The following NLRP8 variants were observed in gnomAD, a reference collection of about 807,000 sequenced individuals.
NLRP8 encodes NACHT, LRR and PYD domains-containing protein 8.
A neutral mutation model predicts 88.7 loss-of-function variants in NLRP8; 86 were observed. The observed-to-expected ratio is 0.97, with a 90% CI of 0.81 to 1.16. NLRP8 has a LOEUF of 1.16. Among genes scored for constraint, NLRP8 ranks in the 50% most tolerant of loss-of-function variants. The probability of loss-of-function intolerance (pLI) is 0.00; values close to 1 mark genes in which losing one functional copy is unlikely to be tolerated. For missense variants in NLRP8, 1,342 were observed against 1,286.5 expected, an observed-to-expected ratio of 1.04 and a Z score of -0.66; for synonymous variants, 504 against 494.6, an observed-to-expected ratio of 1.02 and a Z score of -0.25.
chr19:55,965,732 C>T (rs963112465), intron 4 of NLRP8, among the ~76,000 whole-genome samples: 9 of 151,926 alleles, frequency 5.9e-5, no homozygotes, highest in African/African-American at 1.9e-4. Flanking sequence ...GGTATACATG[C>T]GCTGTGGTGG....
intron 8 of NLRP8, among the ~76,000 whole-genome samples, chr19:55,977,548 T>G (rs1980405303): frequency 6.8e-6 from 1 of 146,050 alleles, no homozygotes; most frequent in South Asian, 2.1e-4. Flanking sequence ...TATATATTAA[T>G]TATATTAATA....
chr19:55,987,996 A>G lies in NLRP8; in HGVS notation c.*83A>G, dbSNP rs1980934418. 9.6e-7 allele frequency: 1 copy of G among 1,040,562 alleles called. No homozygotes were observed. Among genetic ancestry groups the G allele is most frequent in the East Asian group, 2.4e-5 (1 of 41,514 alleles). 64.5% of individuals were successfully genotyped at this position (1,040,562 alleles called of 1,614,324 possible). A position where few individuals can be genotyped will look rare whatever the true frequency, so the allele number is the denominator to read the frequency against. On this transcript the variant is annotated 3_prime_UTR_variant, in exon 10 of 10. Coordinates refer to ENST00000291971, the MANE Select transcript of NLRP8 (RefSeq NM_176811.2). The stretch of plus-strand genomic sequence containing the variant: ...CAAATACCAGGCGTTATCATCCTGT[A>G]TGCATTAACGTACTTTCCCCTGAAA...
chr19:55,955,161 T>A lies in NLRP8; in HGVS notation c.1103T>A (p.Met368Lys), dbSNP rs749263886. 6.2e-7 allele frequency: 1 copy of A among 1,613,928 alleles called. No individual in the cohort carries two copies. The highest frequency in any genetic ancestry group is 8.5e-7 in the Non-Finnish European group (1 of 1,179,902). Residue 368 changes from methionine (M) to lysine (K), a missense_variant, in exon 3 of 10, where the codon ATG (methionine) becomes AAG (lysine). Coordinates refer to ENST00000291971, the MANE Select transcript of NLRP8 (RefSeq NM_176811.2). ...ATGGAAAAAATCAAGTATTTCCAGA[T>A]GTATTTTGGACACACAGAGGAGGGA...
chr19:55,959,492 G>A (rs543918562), intron 3 of NLRP8, among the ~76,000 whole-genome samples: 1 of 148,832 alleles, frequency 6.7e-6, no homozygotes, highest in East Asian at 2.0e-4. Flanking sequence ...GATTACAGGC[G>A]TGAGCCACCG....
intron 8 of NLRP8, among the ~76,000 whole-genome samples, chr19:55,978,181 G>A (rs1004661463): frequency 2.0e-5 from 3 of 151,956 alleles, no homozygotes; most frequent in African/African-American, 7.3e-5. Context: ...CTTTGGGTTT[G>A]CTGTTTAATT....
At chr19:55,985,150 A>C (rs1453988589) in intron 9 of NLRP8, among the ~76,000 whole-genome samples, 9 of 152,040 alleles carry the variant, frequency 5.9e-5, no homozygotes, top group Non-Finnish European at 1.3e-4. Flanking sequence ...AAAGATACAA[A>C]AAATTAGCCA....
At chr19:55,983,829 A>G (rs1980681137) in intron 9 of NLRP8, among the ~76,000 whole-genome samples, 1 of 151,518 alleles carries the variant, frequency 6.6e-6, no homozygotes, top group African/African-American at 2.4e-5. Context: ...AAAAAAAAAA[A>G]AAAAAAAAAA....
At position 55,955,271 on chromosome 19, in the gene NLRP8, G is replaced by C; in HGVS notation, c.1213G>C (p.Gly405Arg). 1 of 1,614,116 alleles carries C rather than the reference G, an allele frequency of 6.2e-7. No homozygotes were observed. Among genetic ancestry groups the C allele is most frequent in the Non-Finnish European group, 8.5e-7 (1 of 1,180,034 alleles). The change falls in exon 3 of 10, where the codon GGT (glycine) becomes CGT (arginine). Residue 405 changes from glycine to arginine, a missense_variant. Coordinates refer to ENST00000291971, the MANE Select transcript of NLRP8 (RefSeq NM_176811.2). Reference sequence around the variant, plus strand: ...TGTGGTTTGCTGGATGGTCTGCTCTGGTCTGAAACAGCAAATGGAGAGAGG... The same window carrying C: ...TGTGGTTTGCTGGATGGTCTGCTCTCGTCTGAAACAGCAAATGGAGAGAGG...
At chr19:55,952,759 C>T in intron 2 of NLRP8, 147 bp downstream of exon 2, 1 of 622,126 alleles carries the variant, frequency 1.6e-6, no homozygotes, top group Middle Eastern at 2.9e-4. Context: ...AACTCTGTCT[C>T]TACTAAAAAC....
At chr19:55,963,377 C>G (rs1359449227) in intron 4 of NLRP8, among the ~76,000 whole-genome samples, 1 of 152,174 alleles carries the variant, frequency 6.6e-6, no homozygotes, top group Non-Finnish European at 1.5e-5. Flanking sequence ...CTGTGGCTGA[C>G]AAGCCTTAGG....
intron 6 of NLRP8, among the ~76,000 whole-genome samples, chr19:55,971,092 T>C (rs560502794): frequency 6.6e-6 from 1 of 152,234 alleles, no homozygotes; most frequent in Admixed American, 6.5e-5. Flanking sequence ...AGTATTAATA[T>C]TACTACCCGT....
At chr19:55,973,892 A>C (rs1290807166) in intron 7 of NLRP8, 70 bp downstream of exon 7, 2 of 1,427,948 alleles carry the variant, frequency 1.4e-6, no homozygotes, top group African/African-American at 2.8e-5. Context: ...AACCTGTTAT[A>C]TATTCATTTA....
intron 3 of NLRP8, 42 bp downstream of exon 3, chr19:55,956,142 G>A: frequency 1.3e-6 from 2 of 1,565,946 alleles, no homozygotes; most frequent in Non-Finnish European, 1.7e-6. Flanking sequence ...GTCCTACCCG[G>A]AGGCCTTGAC....
intron 3 of NLRP8, among the ~76,000 whole-genome samples, chr19:55,961,066 A>G (rs1438713015): frequency 2.0e-5 from 3 of 151,846 alleles, no homozygotes; most frequent in Non-Finnish European, 4.4e-5. Context: ...CCACACCTGT[A>G]TAATTTTTTT....
chr19:55,970,845 G>A, intron 6 of NLRP8, 149 bp downstream of exon 6: 1 of 956,502 alleles, frequency 1.0e-6, no homozygotes. Flanking sequence ...TATATAGATA[G>A]GTCAATAAGG....
At position 55,947,837 on chromosome 19, in the gene NLRP8, G is replaced by A. The variant is rs188557862; in HGVS notation, c.-66G>A. ...ATTGTTTTATGTCTCTGCAGGTCTC[G>A]TGTTTCTCTCTTCCAATCGGTTGTC... On this transcript the variant is annotated 5_prime_UTR_variant, in exon 1 of 10. The change creates a new upstream start codon in the 5' untranslated region. Transcript: ENST00000291971. 6,200 of 1,516,336 alleles carry A rather than the reference G, an allele frequency of 4.1e-3. 20 individuals are homozygous for A. The highest frequency in any genetic ancestry group is 4.4e-3 in the Non-Finnish European group (4,894 of 1,124,496). The allele number at this position is 1,516,336 out of a possible 1,614,324, so 93.9% of individuals were successfully genotyped here.
chr19:55,969,714 T>C (rs1032516264), intron 5 of NLRP8, among the ~76,000 whole-genome samples: 4 of 152,196 alleles, frequency 2.6e-5, no homozygotes, highest in Non-Finnish European at 5.9e-5. Context: ...CTCAACAGAA[T>C]TTGTATGACC....
Position 55,972,414 on chromosome 19 carries a change from CTT to C in NLRP8, c.2535-1228_2535-1227del, listed in dbSNP as rs35559046. ...ACAGATGTGAGCCACTGCACCTAGT[CTT>C]TTTTTTTTTCAGGTTTTAATTTTTA... On this transcript the variant is annotated intron_variant, in intron 6 of 9. Coordinates refer to ENST00000291971, the MANE Select transcript of NLRP8 (RefSeq NM_176811.2). Among the ~76,000 whole-genome samples the C allele has an allele frequency of 1.1e-4, 17 of 148,034 alleles. No homozygotes were observed. The South Asian group carries it at 1.9e-3, about 17-fold the overall frequency.
intron 7 of NLRP8, 49 bp from the exon 8 acceptor site, chr19:55,976,084 T>TTG: frequency 7.0e-7 from 1 of 1,437,946 alleles, no homozygotes; most frequent in Non-Finnish European, 9.3e-7. Context: ...TTGTTGTTGT[T>TTG]TTGTTGTAGT....
Sources: allele counts gnomAD v4.1 joint callset (sites outside exome capture counted in the v4.1 genomes callset), GRCh38; gene constraint gnomAD v4.1.1; transcripts MANE v1.5; gene names NCBI Gene and HGNC (gene_info 2026-07-23, HGNC 2026-07-21).